Variants in MYLK4 observed in about 807,000 individuals in gnomAD.
MYLK4 encodes the protein caMLCK like.
MYLK4 carries 46 observed loss-of-function variants against 48.1 expected under a neutral mutation model. The observed-to-expected ratio is 0.96, with a 90% CI of 0.75 to 1.22. The LOEUF (loss-of-function observed/expected upper bound fraction) is 1.22, where lower values mean the gene tolerates loss of function less well. Ranked by LOEUF, MYLK4 falls within the 50% of genes most tolerant of loss-of-function variation. MYLK4 has a pLI of 0.00. For synonymous variants in MYLK4, 170 were observed against 180.8 expected, an observed-to-expected ratio of 0.94 and a Z score of 0.48; for missense variants, 451 against 486.1, an observed-to-expected ratio of 0.93 and a Z score of 0.68.
rs760565644 is a variant in MYLK4 at position 2,707,404 on chromosome 6, C to A, written c.160-14545G>T. Among the ~76,000 whole-genome samples, 10 of 152,150 alleles carry A rather than the reference C, an allele frequency of 6.6e-5. 1 individual carries two copies. The highest frequency in any genetic ancestry group is 6.8e-3 in the Middle Eastern group (2 of 292). On this transcript the variant is annotated intron_variant, in intron 2 of 12. Transcript: ENST00000274643. ...GTTATACAGCAATATATTTTCAAAC[C>A]GATCTCATTATTGGTGGCGCACATT...
intron 2 of MYLK4, among the ~76,000 whole-genome samples, chr6:2,727,772 C>A (rs1415126015): frequency 6.6e-6 from 1 of 151,984 alleles, no homozygotes; most frequent in Non-Finnish European, 1.5e-5. Context: ...TGTGGTAAAA[C>A]CCCGTTTCTA....
In MYLK4 at chr6:2,744,698, C is replaced by T. The variant is rs150392508; in HGVS notation, c.159+4438G>A. On this transcript the variant is annotated intron_variant, in intron 2 of 12. Transcript: ENST00000274643. The stretch of plus-strand genomic sequence containing the variant: ...TGCTTGGTCTTGGGAGCATTTGTAC[C>T]GGGCATTTAAACACTCCAGGGACAG... Among the ~76,000 whole-genome samples the T allele has an allele frequency of 2.8e-3, 424 of 152,210 alleles. 2 individuals are homozygous for T. The highest frequency in any genetic ancestry group is 4.6e-3 in the East Asian group (24 of 5,174).
chr6:2,683,178 G>A lies in MYLK4; in HGVS notation c.546-16C>T. ...ACCATCCACACTGCAGAGGGAAGAG[G>A]ACTGAAACCCTCAGTCCCGATTTCC... On this transcript the variant is annotated splice_polypyrimidine_tract_variant and intron_variant, in intron 6 of 12. Transcript: ENST00000274643. 10 of 1,614,006 alleles carry A rather than the reference G, an allele frequency of 6.2e-6. No homozygotes were observed. Among genetic ancestry groups the A allele is most frequent in the Non-Finnish European group, 8.5e-6 (10 of 1,179,976 alleles).
chr6:2,682,219 C>T (rs1291159360), intron 7 of MYLK4, among the ~76,000 whole-genome samples: 1 of 152,154 alleles, frequency 6.6e-6, no homozygotes, highest in Admixed American at 6.5e-5. Context: ...TCACGCTGTG[C>T]AAACAGGGAA....
At chr6:2,722,868 TATA>T (rs758312849) in intron 2 of MYLK4, among the ~76,000 whole-genome samples, 4 of 152,208 alleles carry the variant, frequency 2.6e-5, no homozygotes, top group Admixed American at 2.6e-4. Flanking sequence ...ACATCCTATA[TATA>T]ATGTTTTAAT....
chr6:2,768,633 T>A, the MYLK4 span: 1 of 1,450,900 alleles, frequency 6.9e-7, no homozygotes, highest in East Asian at 2.3e-5. Context: ...TTCCCATGGG[T>A]GCTGGTCTCT....
At chr6:2,719,650 C>T (rs751894852) in intron 2 of MYLK4, among the ~76,000 whole-genome samples, 10 of 151,854 alleles carry the variant, frequency 6.6e-5, no homozygotes, top group South Asian at 2.1e-4. Flanking sequence ...TTTTCATTAG[C>T]GTAAACCCTC....
chr6:2,668,639 A>G (rs1041852217), intron 12 of MYLK4, among the ~76,000 whole-genome samples: 1 of 152,216 alleles, frequency 6.6e-6, no homozygotes, highest in Non-Finnish European at 1.5e-5. Flanking sequence ...ATCATAATAC[A>G]TCCTGCCATA....
intron 12 of MYLK4, among the ~76,000 whole-genome samples, chr6:2,668,215 G>A (rs951884006): frequency 2.6e-5 from 4 of 152,082 alleles, no homozygotes; most frequent in Admixed American, 6.6e-5. Context: ...AATATTGAAG[G>A]ACAAGGCCTC....
chr6:2,678,346 C>A lies in MYLK4; in HGVS notation c.914G>T (p.Gly305Val). The A allele has an allele frequency of 6.2e-7, 1 of 1,614,010 alleles. No homozygotes were observed. Among genetic ancestry groups the A allele is most frequent in the Non-Finnish European group, 8.5e-7 (1 of 1,180,012 alleles). ...MLLSGLSPFL[G>V]DNDAETLNNI... is the part of the protein sequence containing the mutation. ...GTTCAGCGTCTCAGCATCATTGTCA[C>A]CCAGGAAAGGCGACAAACCGCTAAG... The change falls in exon 10 of 13, where the codon GGT (glycine) becomes GTT (valine). Residue 305 changes from glycine to valine, a missense_variant. By Grantham distance (109) the Gly-to-Val change is moderately radical. Coordinates refer to ENST00000274643, the MANE Select transcript of MYLK4 (RefSeq NM_001012418.5).
At chr6:2,717,632 C>G (rs573182531) in intron 2 of MYLK4, among the ~76,000 whole-genome samples, 1 of 152,240 alleles carries the variant, frequency 6.6e-6, no homozygotes, top group African/African-American at 2.4e-5. Flanking sequence ...TGCACTAAGA[C>G]GCCCTCATCC....
In MYLK4 at chr6:2,675,024, G is replaced by T. The variant is rs553872472; in HGVS notation, c.1119+23C>A. On this transcript the variant is annotated intron_variant, in intron 11 of 12. Coordinates refer to ENST00000274643, the MANE Select transcript of MYLK4 (RefSeq NM_001012418.5). ...AGACAGGCAGACAGGAGAAAAAGAG[G>T]AAGAGCAAGAAGCCGTGGTCACCTG... is the stretch of plus-strand genomic sequence containing the variant. 6 of 1,569,446 alleles carry T rather than the reference G, an allele frequency of 3.8e-6. No individual in the cohort carries two copies. The South Asian group carries it at 6.7e-5, about 17-fold the overall frequency.
chr6:2,703,553 G>C (rs1392574121), intron 2 of MYLK4, among the ~76,000 whole-genome samples: 1 of 152,018 alleles, frequency 6.6e-6, no homozygotes, highest in African/African-American at 2.4e-5. Context: ...TTTTTCATGA[G>C]CTCTGGGAGT....
At chr6:2,682,212 C>T (rs539940980) in intron 7 of MYLK4, among the ~76,000 whole-genome samples, 5 of 152,248 alleles carry the variant, frequency 3.3e-5, no homozygotes, top group South Asian at 4.1e-4. Context: ...GTTACTGTCA[C>T]GCTGTGCAAA....
intron 10 of MYLK4, 57 bp from the exon 11 acceptor site, chr6:2,675,182 G>A (rs1761040189): frequency 1.2e-5 from 16 of 1,287,242 alleles, no homozygotes; most frequent in Middle Eastern, 2.0e-4. Flanking sequence ...GCCTGTATCT[G>A]CTGTTCAATC....
chr6:2,694,177 TG>T (rs1761926256), intron 2 of MYLK4, among the ~76,000 whole-genome samples: 1 of 152,134 alleles, frequency 6.6e-6, no homozygotes, highest in Non-Finnish European at 1.5e-5. Context: ...AAGCCAAGGC[TG>T]GAAGTGAGAG....
chr6:2,681,544 T>C (rs898919265), intron 7 of MYLK4, among the ~76,000 whole-genome samples: 3 of 152,208 alleles, frequency 2.0e-5, no homozygotes, highest in African/African-American at 7.2e-5. Context: ...TTTGAGGGCA[T>C]TTCAATAAGT....
At chr6:2,727,004 G>T (rs1300789304) in intron 2 of MYLK4, among the ~76,000 whole-genome samples, 2 of 152,186 alleles carry the variant, frequency 1.3e-5, no homozygotes, top group South Asian at 4.1e-4. Flanking sequence ...CAGCGGGAGA[G>T]ATCAGTTTTG....
At chr6:2,742,156 C>T (rs1582124078) in intron 2 of MYLK4, among the ~76,000 whole-genome samples, 1 of 152,184 alleles carries the variant, frequency 6.6e-6, no homozygotes, top group South Asian at 2.1e-4. Context: ...AGATGATTGA[C>T]AAGCCATTCC....
Sources: gnomAD v4.1 joint callset for allele counts (sites outside exome capture counted in the v4.1 genomes callset) on GRCh38, gnomAD v4.1.1 for gene constraint, MANE v1.5 for transcripts, NCBI Gene and HGNC (gene_info 2026-07-23, HGNC 2026-07-21) for gene names.